Variants in PVT1 observed in about 807,000 individuals in gnomAD.
The protein encoded by PVT1 is Pvt1 oncogene.
intron 2 of PVT1, among the ~76,000 whole-genome samples, chr8:127,846,886 G>A (rs1039222650): frequency 6.6e-6 from 1 of 151,376 alleles, no homozygotes; most frequent in African/African-American, 2.4e-5. Flanking sequence ...TCGCCATTTG[G>A]GACAGGCTGG....
At chr8:128,071,528 T>A (rs56024771) in intron 5 of PVT1, among the ~76,000 whole-genome samples, 56,868 of 148,324 alleles carry the variant, frequency 0.38, 10,743 homozygotes, top group Middle Eastern at 0.44. Context: ...TAAAAATTTT[T>A]AAAAAAAAAA....
chr8:127,962,005 C>T (rs555167503), intron 3 of PVT1, among the ~76,000 whole-genome samples: 3 of 152,334 alleles, frequency 2.0e-5, no homozygotes, highest in East Asian at 1.9e-4. Context: ...GACGGAGTCT[C>T]GCTCTGTCGC....
intron 3 of PVT1, among the ~76,000 whole-genome samples, chr8:127,968,109 A>C (rs963910577): frequency 2.6e-5 from 4 of 152,202 alleles, no homozygotes; most frequent in Non-Finnish European, 5.9e-5. Flanking sequence ...CTCCATACAC[A>C]GATTGCATAG....
intron 5 of PVT1, among the ~76,000 whole-genome samples, chr8:128,084,847 G>A (rs1235326433): frequency 6.6e-6 from 1 of 152,164 alleles, no homozygotes; most frequent in Non-Finnish European, 1.5e-5. Flanking sequence ...ACATGTGACT[G>A]GATGAACCCT....
chr8:127,898,877 G>C lies in PVT1; in HGVS notation n.782+7879G>C, dbSNP rs761653584. On this transcript the variant is annotated intron_variant and non_coding_transcript_variant, in intron 3 of 10. Coordinates refer to ENST00000651587, the Ensembl canonical transcript of PVT1. This position sits in a 1 kb window ranked among gnomAD's most constrained non-coding sequence, Gnocchi z 4.4. ...CACCCTTTATCACTCCACAAGGGGT[G>C]GGGGTACTGGACAGAAAGAGTGTGT... 2.6e-5 allele frequency among the ~76,000 whole-genome samples: 4 copies of C among 152,164 alleles called. No individual in the cohort carries two copies. Among genetic ancestry groups the C allele is most frequent in the Non-Finnish European group, 5.9e-5 (4 of 68,024 alleles).
At chr8:127,884,592 C>T (rs572785114) in intron 2 of PVT1, among the ~76,000 whole-genome samples, 2 of 152,342 alleles carry the variant, frequency 1.3e-5, no homozygotes, top group African/African-American at 4.8e-5. Context: ...TGTCTGTTCA[C>T]CAGCACGTAT....
intron 3 of PVT1, among the ~76,000 whole-genome samples, chr8:127,952,195 C>T (rs927192683): frequency 1.3e-5 from 2 of 152,208 alleles, no homozygotes; most frequent in Non-Finnish European, 2.9e-5. Flanking sequence ...TGGCTCACGA[C>T]CGATTGTAGA....
intron 2 of PVT1, among the ~76,000 whole-genome samples, chr8:127,879,830 T>C (rs745775530): frequency 3.3e-5 from 5 of 152,224 alleles, no homozygotes; most frequent in Non-Finnish European, 7.3e-5. Context: ...CCCACCAGTT[T>C]AAGGACCAGT....
At chr8:128,098,812 G>A (rs1814461177) in intron 6 of PVT1, among the ~76,000 whole-genome samples, 1 of 152,096 alleles carries the variant, frequency 6.6e-6, no homozygotes, top group African/African-American at 2.4e-5. Context: ...AGTGCCTTCT[G>A]CCCAGGCCTC....
chr8:127,958,116 C>G (rs1157539623), intron 3 of PVT1, among the ~76,000 whole-genome samples: 2 of 152,204 alleles, frequency 1.3e-5, no homozygotes, highest in Admixed American at 6.5e-5. Context: ...GTTGGCTGAT[C>G]TAAGTGTGGA....
chr8:128,000,246 C>T (rs905236637), intron 4 of PVT1, among the ~76,000 whole-genome samples: 10 of 152,206 alleles, frequency 6.6e-5, no homozygotes, highest in Middle Eastern at 3.2e-3. Context: ...AAACAGTTGA[C>T]GTATCATGTA....
chr8:128,093,724 G>A (rs371594542), intron 5 of PVT1, among the ~76,000 whole-genome samples: 8 of 151,104 alleles, frequency 5.3e-5, no homozygotes, highest in South Asian at 2.1e-4. Flanking sequence ...TGCAACCTCC[G>A]CCTCCCAGGT....
intron 5 of PVT1, among the ~76,000 whole-genome samples, chr8:128,089,073 A>T (rs1265064318): frequency 6.6e-6 from 1 of 152,210 alleles, no homozygotes; most frequent in Non-Finnish European, 1.5e-5. Context: ...TGCTGGAGGG[A>T]GGGAAATTTA....
intron 4 of PVT1, among the ~76,000 whole-genome samples, chr8:128,024,402 G>A (rs1817470372): frequency 6.6e-6 from 1 of 152,134 alleles, no homozygotes; most frequent in South Asian, 2.1e-4. Context: ...GCAGGTGGAT[G>A]GTTTGAGCCC....
rs560709180 is a variant in PVT1, at chr8:127,910,300, C to T, written n.782+19302C>T. Among the ~76,000 whole-genome samples the T allele has an allele frequency of 3.9e-5, 6 of 152,250 alleles. No homozygotes were observed. In the South Asian group the frequency reaches 1.2e-3, roughly 32 times the overall value. ...CGTGGAAACATGCACAAGAAAGTGA[C>T]ATTTTAGAAGGTGGTTTTTGTTCCA... On this transcript the variant is annotated intron_variant and non_coding_transcript_variant, in intron 3 of 10. Transcript: ENST00000651587.
intron 3 of PVT1, among the ~76,000 whole-genome samples, chr8:127,950,758 A>G (rs1160446320): frequency 3.9e-5 from 6 of 152,302 alleles, no homozygotes; most frequent in African/African-American, 9.6e-5. Context: ...AGGTGCTCAC[A>G]AGGAGCACCT....
At chr8:127,863,083 TTTA>T (rs1362963722) in intron 2 of PVT1, among the ~76,000 whole-genome samples, 1 of 73,956 alleles carries the variant, frequency 1.4e-5, no homozygotes, top group Admixed American at 1.3e-4. Context: ...GCTAGTTTTA[TTTA>T]TTTATTTATT....
intron 3 of PVT1, among the ~76,000 whole-genome samples, chr8:127,975,318 A>G (rs900719539): frequency 1.3e-5 from 2 of 152,210 alleles, no homozygotes; most frequent in Non-Finnish European, 2.9e-5. Context: ...AACACTGGGT[A>G]TTATTAGCTT....
chr8:127,918,194 A>G (rs958223086), intron 3 of PVT1, among the ~76,000 whole-genome samples: 3 of 152,158 alleles, frequency 2.0e-5, no homozygotes, highest in African/African-American at 7.2e-5. Flanking sequence ...AATATAGAGG[A>G]AATGGTGGAA....
Sources: allele counts gnomAD v4.1 joint callset (sites outside exome capture counted in the v4.1 genomes callset), GRCh38; gene constraint gnomAD v4.1.1; non-coding constraint Gnocchi (gnomAD v3.1); transcripts MANE v1.5; gene names NCBI Gene and HGNC (gene_info 2026-07-23, HGNC 2026-07-21).